MYO1B: variants seen among roughly 807,000 people sequenced by gnomAD.
MYO1B encodes unconventional myosin-Ib.
MYO1B carries 72 observed loss-of-function variants against 159.7 expected under a neutral mutation model. That is an observed-to-expected ratio of 0.45 (90% CI 0.37 to 0.55). The LOEUF (loss-of-function observed/expected upper bound fraction) is 0.55, where lower values mean the gene tolerates loss of function less well. Ranked by LOEUF, MYO1B falls within the 20% of genes least tolerant of loss-of-function variation. MYO1B has a pLI of 0.00. For synonymous variants in MYO1B, 468 were observed against 473.8 expected, an observed-to-expected ratio of 0.99 and a Z score of 0.16; for missense variants, 1,062 against 1,364.8, an observed-to-expected ratio of 0.78 and a Z score of 3.50.
chr2:191,340,489 C>T (rs141816308), intron 4 of MYO1B, among the ~76,000 whole-genome samples: 1 of 152,262 alleles, frequency 6.6e-6, no homozygotes, highest in East Asian at 1.9e-4. Flanking sequence ...CCACCAAAGA[C>T]ATGTTTAGTC....
intron 9 of MYO1B, 171 bp from the exon 10 acceptor site, chr2:191,363,557 C>T: frequency 2.5e-6 from 1 of 402,812 alleles, no homozygotes; most frequent in Non-Finnish European, 3.4e-6. Context: ...CCCGCCACAG[C>T]ACCAGAGGTA....
chr2:191,382,856 C>T (rs1006614880), intron 14 of MYO1B, among the ~76,000 whole-genome samples: 4 of 152,042 alleles, frequency 2.6e-5, no homozygotes, highest in African/African-American at 7.2e-5. Context: ...TAATTTTTTT[C>T]CTTATGATTA....
intron 4 of MYO1B, among the ~76,000 whole-genome samples, chr2:191,336,479 G>A (rs572271735): frequency 2.5e-4 from 38 of 152,248 alleles, no homozygotes; most frequent in Middle Eastern, 3.4e-3. Context: ...CTCTCCATCC[G>A]TGTGTTTAAT....
At chr2:191,363,930 C>G (rs1693837389) in intron 10 of MYO1B, 55 bp downstream of exon 10, 2 of 1,599,716 alleles carry the variant, frequency 1.3e-6, no homozygotes, top group African/African-American at 2.7e-5. Context: ...TTGAACTTCT[C>G]CCCACTTTTT....
intron 23 of MYO1B, chr2:191,401,846 A>G (rs1248239322): frequency 1.3e-5 from 2 of 152,246 alleles, no homozygotes; most frequent in Non-Finnish European, 2.9e-5. Context: ...GGGTCTTGCT[A>G]AGATTTCTCC....
At chr2:191,271,926 T>G (rs1687477572) in intron 1 of MYO1B, among the ~76,000 whole-genome samples, 1 of 152,246 alleles carries the variant, frequency 6.6e-6, no homozygotes, top group African/African-American at 2.4e-5. Flanking sequence ...GGCTTGCAAT[T>G]TAAGGTTAGT....
intron 7 of MYO1B, 22 bp from the exon 8 acceptor site, chr2:191,360,609 A>G (rs867041477): frequency 2.0e-6 from 3 of 1,488,408 alleles, no homozygotes; most frequent in Middle Eastern, 1.7e-4. Flanking sequence ...ATGCCATACT[A>G]TGATTTAACT....
intron 17 of MYO1B, 193 bp downstream of exon 17, chr2:191,387,643 AAAAGT>A: frequency 1.6e-6 from 1 of 616,604 alleles, no homozygotes; most frequent in South Asian, 2.0e-5. Context: ...AAGAAAGTAA[AAAAGT>A]AAAGTGTGGT....
intron 1 of MYO1B, among the ~76,000 whole-genome samples, chr2:191,251,312 A>T (rs1335192727): frequency 2.0e-5 from 3 of 152,218 alleles, no homozygotes; most frequent in African/African-American, 7.2e-5. Context: ...CAGATCTTTG[A>T]TGTGTGAGAA....
intron 14 of MYO1B, 66 bp downstream of exon 14, chr2:191,381,632 A>C: frequency 8.6e-7 from 1 of 1,168,142 alleles, no homozygotes; most frequent in South Asian, 1.3e-5. Flanking sequence ...ATTCTAATTC[A>C]GAAGATAGCC....
At chr2:191,286,394 A>C (rs539624789) in intron 2 of MYO1B, among the ~76,000 whole-genome samples, 2 of 152,176 alleles carry the variant, frequency 1.3e-5, no homozygotes, top group South Asian at 4.2e-4. Context: ...GAAATCTTAC[A>C]GATGTCTAAT....
chr2:191,368,843 A>G (rs1694177321), intron 11 of MYO1B, among the ~76,000 whole-genome samples: 2 of 152,104 alleles, frequency 1.3e-5, no homozygotes, highest in Admixed American at 1.3e-4. Context: ...GCGTGGTGGC[A>G]CACACGTGTA....
rs537145184 is a variant in MYO1B, at chr2:191,425,161, A to T, written c.*1201A>T. On this transcript the variant is annotated 3_prime_UTR_variant, in exon 31 of 31. Transcript: ENST00000392318. ...AATAAAATTGTTCTAATTTGGTGCC[A>T]TTTCCTGAATCACAACTGTATTTTT... The T allele has an allele frequency of 6.6e-6, 1 of 152,086 alleles. No individual in the cohort carries two copies. Among genetic ancestry groups the T allele is most frequent in the Non-Finnish European group, 1.5e-5 (1 of 67,956 alleles). 9.4% of individuals were successfully genotyped at this position (152,086 alleles called of 1,614,324 possible).
At chr2:191,394,931 A>G (rs940200231) in intron 20 of MYO1B, among the ~76,000 whole-genome samples, 4 of 152,186 alleles carry the variant, frequency 2.6e-5, no homozygotes, top group Admixed American at 1.3e-4. Context: ...CATCTCTTTC[A>G]AAATTTGAAC....
Position 191,402,775 on chromosome 2 carries a change from A to G in MYO1B, c.2556+57A>G, listed in dbSNP as rs545237830. On this transcript the variant is annotated intron_variant, in intron 24 of 30. Coordinates refer to ENST00000392318, the MANE Select transcript of MYO1B (RefSeq NM_001130158.3). ...GTGAACTTCATAAAGCCTAGCACCTACTAACCCTGAGAAAATGATTGATTA... is the reference window on the plus strand; with the variant it reads ...GTGAACTTCATAAAGCCTAGCACCTGCTAACCCTGAGAAAATGATTGATTA... 9.2e-5 allele frequency: 120 copies of G among 1,310,060 alleles called. 1 individual carries two copies. In the South Asian group the frequency reaches 1.4e-3, roughly 16 times the overall value. The allele number at this position is 1,310,060 out of a possible 1,614,324, so 81.2% of individuals were successfully genotyped here.
At chr2:191,361,412 A>G (rs1693662540) in intron 8 of MYO1B, among the ~76,000 whole-genome samples, 1 of 152,174 alleles carries the variant, frequency 6.6e-6, no homozygotes, top group Non-Finnish European at 1.5e-5. Context: ...GAGAATTAAC[A>G]TAATTCCACA....
At chr2:191,381,613 G>A (rs539688301) in intron 14 of MYO1B, 47 bp downstream of exon 14, 25 of 1,341,168 alleles carry the variant, frequency 1.9e-5, no homozygotes, top group Non-Finnish European at 2.4e-5. Flanking sequence ...TTTTTTACTC[G>A]TAATATAAAT....
intron 7 of MYO1B, among the ~76,000 whole-genome samples, chr2:191,354,604 C>T (rs981139682): frequency 6.6e-6 from 1 of 152,026 alleles, no homozygotes; most frequent in Admixed American, 6.5e-5. Context: ...ATTCTTGCTG[C>T]ACTGCCTGAC....
chr2:191,324,437 A>G (rs1032249757), intron 3 of MYO1B, among the ~76,000 whole-genome samples: 3 of 152,054 alleles, frequency 2.0e-5, no homozygotes, highest in African/African-American at 7.2e-5. Context: ...AGGGATTATA[A>G]TATACCTTAA....
Sources: allele counts gnomAD v4.1 joint callset (sites outside exome capture counted in the v4.1 genomes callset), GRCh38; gene constraint gnomAD v4.1.1; transcripts MANE v1.5; gene names NCBI Gene and HGNC (gene_info 2026-07-23, HGNC 2026-07-21).